Variants in ZMYND15 observed in about 807,000 individuals in gnomAD.
ZMYND15 encodes zinc finger MYND-type containing 15.
A neutral mutation model predicts 81.7 loss-of-function variants in ZMYND15; 54 were observed. The ratio of observed to expected loss-of-function variants is 0.66; its 90% confidence interval spans 0.53 to 0.83. The LOEUF (loss-of-function observed/expected upper bound fraction) is 0.83. ZMYND15 is among the 40% of genes least tolerant of loss of function. ZMYND15 has a pLI of 0.00. For synonymous variants in ZMYND15, 399 were observed against 387.0 expected (o/e 1.03, Z -0.36); for missense variants, 925 against 973.5 (o/e 0.95, Z 0.66).
In ZMYND15 at chr17:4,740,914, TGAAGAA is replaced by T. The variant is rs750805261; in HGVS notation, c.372_377del (p.Glu125_Glu126del). 6.3e-7 allele frequency: 1 copy of T among 1,580,456 alleles called. No homozygotes were observed. Among genetic ancestry groups the T allele is most frequent in the Non-Finnish European group, 8.6e-7 (1 of 1,160,646 alleles). ...AAGGGGAGGAGGAAGAGGAGGAAGA[TGAAGAA>T]GAAGAGAAGAGAGAGGACGGGGGTG... On this transcript the variant is annotated inframe_deletion, in exon 2 of 14. Transcript: ENST00000433935.
In ZMYND15 at chr17:4,744,551, C is replaced by T. The variant is rs1916579217; in HGVS notation, c.1684-74C>T. Reference sequence around the variant, plus strand: ...GGTCCTGCCCTTCTGCCCCCCACTCCCCATCTTGCCTGGTGCATCCTCCAG... The same window carrying T: ...GGTCCTGCCCTTCTGCCCCCCACTCTCCATCTTGCCTGGTGCATCCTCCAG... On this transcript the variant is annotated intron_variant, in intron 10 of 13. Transcript: ENST00000433935. The surrounding 1 kb of genome is among the most constrained non-coding windows in gnomAD (Gnocchi z 4.1). The T allele has an allele frequency of 3.7e-6, 6 of 1,602,158 alleles. No homozygotes were observed. The highest frequency in any genetic ancestry group is 1.1e-5 in the South Asian group (1 of 90,044).
At position 4,744,855 on chromosome 17, in the gene ZMYND15, C is replaced by T; in HGVS notation, c.1838-15C>T. ...CCACCGTGGGAGCCAGCTTCTCCCT[C>T]CTCTCTGTCTGCAGGATTTAACTCC... On this transcript the variant is annotated splice_polypyrimidine_tract_variant and intron_variant, in intron 11 of 13. Coordinates refer to ENST00000433935, the MANE Select transcript of ZMYND15 (RefSeq NM_001136046.3). This position sits in a 1 kb window ranked among gnomAD's most constrained non-coding sequence, Gnocchi z 4.1. 6.2e-7 allele frequency: 1 copy of T among 1,614,136 alleles called. No individual in the cohort carries two copies. Among genetic ancestry groups the T allele is most frequent in the Non-Finnish European group, 8.5e-7 (1 of 1,180,010 alleles).
Position 4,740,775 on chromosome 17 carries a change from AACCAGGTCCTGG to A in ZMYND15, c.234_245del (p.Pro79_Gly82del). 5 of 1,597,338 alleles carry A rather than the reference AACCAGGTCCTGG, an allele frequency of 3.1e-6. No homozygotes were observed. The highest frequency in any genetic ancestry group is 4.3e-6 in the Non-Finnish European group (5 of 1,168,342). ...GGCATCAGCCTGGGGCAAGGGGCAG[AACCAGGTCCTGG>A]ACCAGGCCTGGGGACTGCCTGGCTC... On this transcript the variant is annotated inframe_deletion, in exon 2 of 14. Transcript: ENST00000433935.
Position 4,743,360 on chromosome 17 carries a change from G to T in ZMYND15, c.1202G>T (p.Arg401Leu). The T allele has an allele frequency of 1.2e-6, 2 of 1,613,966 alleles. No individual in the cohort carries two copies. The highest frequency in any genetic ancestry group is 2.2e-5 in the East Asian group (1 of 44,868). Residue 401 changes from arginine to leucine, a missense_variant, in exon 6 of 14, where the codon CGT becomes CTT. Arg to Leu is a moderately radical substitution (Grantham distance 102). Transcript: ENST00000433935. The surrounding 1 kb of genome is among the most constrained non-coding windows in gnomAD (Gnocchi z 4.3). ...EAFLASRGLT[R>L]GYWTQLSMLI... Reference sequence around the variant, plus strand: ...TTCCTGGCCTCTCGGGGCCTCACTCGTGGCTATTGGACCCAGCTCAGCATG... The same window carrying T: ...TTCCTGGCCTCTCGGGGCCTCACTCTTGGCTATTGGACCCAGCTCAGCATG...
At position 4,744,391 on chromosome 17, in the gene ZMYND15, A is replaced by T. The variant is rs1027897918; in HGVS notation, c.1607A>T (p.His536Leu). The T allele has an allele frequency of 1.9e-6, 3 of 1,613,798 alleles. No individual in the cohort carries two copies. The highest frequency in any genetic ancestry group is 2.5e-6 in the Non-Finnish European group (3 of 1,179,982). Residue 536 changes from histidine (H) to leucine (L), a missense_variant, in exon 10 of 14, where the codon CAT becomes CTT. Coordinates refer to ENST00000433935, the MANE Select transcript of ZMYND15 (RefSeq NM_001136046.3). The surrounding 1 kb of genome is among the most constrained non-coding windows in gnomAD (Gnocchi z 4.1). ...CAGGAGCTTTTGGTCCTGCTCCCCC[A>T]TGTGGCCCTGGAGCTGCAGTTTGTA... is the stretch of plus-strand genomic sequence containing the variant. ...VFWELLVLLP[H>L]VALELQFVGD...
Position 4,740,522 on chromosome 17 carries a change from G to A in ZMYND15, c.-27G>A, listed in dbSNP as rs1261985104. 3.2e-6 allele frequency: 5 copies of A among 1,560,686 alleles called. No homozygotes were observed. In the South Asian group the frequency reaches 6.0e-5, roughly 19 times the overall value. ...ATATATCCCTTCTTTTGCTCAGTCTGGGCCGGGGCCCTGTGCCGCTGAAGA... is the reference window on the plus strand; with the variant it reads ...ATATATCCCTTCTTTTGCTCAGTCTAGGCCGGGGCCCTGTGCCGCTGAAGA... On this transcript the variant is annotated 5_prime_UTR_variant, in exon 2 of 14. Transcript: ENST00000433935.
Position 4,740,701 on chromosome 17 carries a change from C to T in ZMYND15, c.153C>T (p.Pro51=), listed in dbSNP as rs1339886056. The change falls in exon 2 of 14, where the codon CCC becomes CCT. Residue 51 remains proline (P), a synonymous_variant. Transcript: ENST00000433935. Reference sequence around the variant, plus strand: ...TGGAGGCCCAGATCAGAAGGCTACCCCAGGACCCTGCCCTTTGGGTGCTCC... The same window carrying T: ...TGGAGGCCCAGATCAGAAGGCTACCTCAGGACCCTGCCCTTTGGGTGCTCC... ...RQLEAQIRRL[P]QDPALWVLHV... The T allele has an allele frequency of 6.2e-7, 1 of 1,613,774 alleles. No individual in the cohort carries two copies. Among genetic ancestry groups the T allele is most frequent in the Admixed American group, 1.7e-5 (1 of 59,950 alleles).
rs577858739 is a variant in ZMYND15, at chr17:4,741,763, T to C, written c.774T>C (p.Ser258=). Residue 258 remains serine (S), a synonymous_variant, in exon 3 of 14, where the codon TCT becomes TCC. Transcript: ENST00000433935. The part of the protein sequence containing the change: ...LCHSMACPMG[S]GDPRKPRQLT... ...ACAGCATGGCCTGTCCCATGGGCTC[T>C]GGGGATCCCCGAAAGCCCCGACAGC... 1.6e-5 allele frequency: 25 copies of C among 1,590,046 alleles called. 1 individual carries two copies. In the African/African-American group the frequency reaches 2.4e-4, roughly 15 times the overall value.
chr17:4,744,627 C>G lies in ZMYND15; in HGVS notation c.1686C>G (p.Asp562Glu), dbSNP rs375765573. The change falls in exon 11 of 14, where the codon GAC (aspartate) becomes GAG (glutamate). Residue 562 changes from aspartate (D) to glutamate (E), a missense_variant and splice_region_variant. By Grantham distance (45) the Asp-to-Glu change is conservative. Coordinates refer to ENST00000433935, the MANE Select transcript of ZMYND15 (RefSeq NM_001136046.3). This position sits in a 1 kb window ranked among gnomAD's most constrained non-coding sequence, Gnocchi z 4.1. ...SDEQHFTLQRDSLEVSVRPGS... is the reference protein window; with the variant it reads ...SDEQHFTLQRESLEVSVRPGS... ...ACCCCACTCCTGGGGCCCCTCAGGA[C>G]AGCCTGGAGGTGTCTGTCCGGCCTG... The G allele has an allele frequency of 3.3e-5, 53 of 1,610,974 alleles. No homozygotes were observed. The highest frequency in any genetic ancestry group is 4.3e-5 in the Non-Finnish European group (51 of 1,179,158).
At position 4,744,013 on chromosome 17, in the gene ZMYND15, A is replaced by G. The variant is rs755380859; in HGVS notation, c.1401A>G (p.Thr467=). The change falls in exon 8 of 14, where the codon ACA becomes ACG. Residue 467 remains threonine (T), a synonymous_variant. Coordinates refer to ENST00000433935, the MANE Select transcript of ZMYND15 (RefSeq NM_001136046.3). The surrounding 1 kb of genome is among the most constrained non-coding windows in gnomAD (Gnocchi z 4.1). ...CAGGCTCATGGCAGGATTACTACAC[A>G]TGGCGGGGCCTCAGCTTGGACTCCC... is the stretch of plus-strand genomic sequence containing the variant. ...GVFGSWQDYY[T]WRGLSLDSPI... 2.6e-6 allele frequency: 4 copies of G among 1,553,032 alleles called. No individual in the cohort carries two copies. The highest frequency in any genetic ancestry group is 3.5e-6 in the Non-Finnish European group (4 of 1,147,540).
Position 4,743,947 on chromosome 17 carries a change from G to T in ZMYND15, c.1379-44G>T. ...GAAGAGGTTTGTTAGACTAGAGGGGGTGGGGGTCCAGGGCCAGGTCCTCTA... is the reference window on the plus strand; with the variant it reads ...GAAGAGGTTTGTTAGACTAGAGGGGTTGGGGGTCCAGGGCCAGGTCCTCTA... On this transcript the variant is annotated intron_variant, in intron 7 of 13. Transcript: ENST00000433935. This position sits in a 1 kb window ranked among gnomAD's most constrained non-coding sequence, Gnocchi z 4.3. The T allele has an allele frequency of 6.4e-7, 1 of 1,560,514 alleles. No individual in the cohort carries two copies.
chr17:4,742,876 G>A (rs149784990), intron 5 of ZMYND15, among the ~76,000 whole-genome samples: 23 of 152,252 alleles, frequency 1.5e-4, no homozygotes, highest in African/African-American at 5.1e-4. Context: ...TGCCTGGTAC[G>A]CTGGAGGCAC....
At position 4,744,759 on chromosome 17, in the gene ZMYND15, C is replaced by G. The variant is rs767479050; in HGVS notation, c.1818C>G (p.Pro606=). ...SARPYHLFQG[P]KPDLVIGFNS... is the part of the protein sequence containing the mutation. ...GGCCCTACCACCTGTTCCAGGGGCC[C>G]AAGCCTGACCTGGTTATTGGTAAAA... The change falls in exon 11 of 14, where the codon CCC becomes CCG. Residue 606 remains proline, a synonymous_variant. Transcript: ENST00000433935. This position sits in a 1 kb window ranked among gnomAD's most constrained non-coding sequence, Gnocchi z 4.1. 1 of 1,614,170 alleles carries G rather than the reference C, an allele frequency of 6.2e-7. No individual in the cohort carries two copies. Among genetic ancestry groups the G allele is most frequent in the Admixed American group, 1.7e-5 (1 of 60,026 alleles).
Position 4,741,934 on chromosome 17 carries a change from C to T in ZMYND15, c.847C>T (p.Pro283Ser), listed in dbSNP as rs750019233. The T allele has an allele frequency of 3.7e-6, 6 of 1,614,056 alleles. No homozygotes were observed. Among genetic ancestry groups the T allele is most frequent in the Middle Eastern group, 1.6e-4 (1 of 6,084 alleles). The change falls in exon 4 of 14, where the codon CCA becomes TCA. Residue 283 changes from proline (P) to serine (S), a missense_variant. Physicochemically the swap from Pro to Ser is moderately conservative, Grantham distance 74. Transcript: ENST00000433935. ...RLHRELESLV[P>S]RLGVKLAKTP... The stretch of plus-strand genomic sequence containing the variant: ...ATTTAGAGAGCTGGAGAGCTTGGTC[C>T]CAAGGCTAGGTGTGAAGTTAGCCAA...
At chr17:4,741,439 G>T (rs1253360555) in intron 2 of ZMYND15, 143 bp from the exon 3 acceptor site, 1 of 908,246 alleles carries the variant, frequency 1.1e-6, no homozygotes. Flanking sequence ...CCTTTAGAAG[G>T]AGCGTGCCCT....
Position 4,745,103 on chromosome 17 carries a change from T to A in ZMYND15, c.1897-112T>A. On this transcript the variant is annotated intron_variant, in intron 12 of 13. Coordinates refer to ENST00000433935, the MANE Select transcript of ZMYND15 (RefSeq NM_001136046.3). The surrounding 1 kb of genome is among the most constrained non-coding windows in gnomAD (Gnocchi z 5.2). ...GTGTCTGTCTCCGTCCTCCCCCTGC[T>A]CCCCTCCGCCCGGTCTGTCCGGGGA... 1 of 1,578,420 alleles carries A rather than the reference T, an allele frequency of 6.3e-7. No individual in the cohort carries two copies.
rs1910263156 is a variant in ZMYND15 at position 4,743,110 on chromosome 17, C to T, written c.1145-193C>T. Among the ~76,000 whole-genome samples, 1 of 152,016 alleles carries T rather than the reference C, an allele frequency of 6.6e-6. No homozygotes were observed. The highest frequency in any genetic ancestry group is 6.6e-5 in the Admixed American group (1 of 15,238). On this transcript the variant is annotated intron_variant, in intron 5 of 13. Transcript: ENST00000433935. This position sits in a 1 kb window ranked among gnomAD's most constrained non-coding sequence, Gnocchi z 4.3. ...GAAAAAATTAGTCAGGCATGGTGCA[C>T]TCGCTTGTGGTCACAATTCTCGGGA...
rs1916654759 is a variant in ZMYND15 at position 4,745,997 on chromosome 17, A to T, written c.*7A>T. 3 of 1,437,790 alleles carry T rather than the reference A, an allele frequency of 2.1e-6. No individual in the cohort carries two copies. The South Asian group carries it at 4.5e-5, about 22-fold the overall frequency. The allele number at this position is 1,437,790 out of a possible 1,614,324, so 89.1% of individuals were successfully genotyped here. On this transcript the variant is annotated 3_prime_UTR_variant, in exon 14 of 14. Transcript: ENST00000433935. This position sits in a 1 kb window ranked among gnomAD's most constrained non-coding sequence, Gnocchi z 5.2. Reference sequence around the variant, plus strand: ...GGCCCGCCGGCGGAAATGAATGCTGATACCCTAGTAGTCCCCAGCTCCCAA... The same window carrying T: ...GGCCCGCCGGCGGAAATGAATGCTGTTACCCTAGTAGTCCCCAGCTCCCAA...
chr17:4,742,925 T>C (rs1003961520), intron 5 of ZMYND15, among the ~76,000 whole-genome samples: 44 of 152,106 alleles, frequency 2.9e-4, no homozygotes, highest in African/African-American at 9.7e-4. Flanking sequence ...GAACCAGACT[T>C]AGAACCAGGG....
Sources: gnomAD v4.1 joint callset for allele counts (sites outside exome capture counted in the v4.1 genomes callset) on GRCh38, gnomAD v4.1.1 for gene constraint, Gnocchi (gnomAD v3.1) non-coding constraint, MANE v1.5 for transcripts, NCBI Gene and HGNC (gene_info 2026-07-23, HGNC 2026-07-21) for gene names.